The following GALNT13 variants were observed in gnomAD, a reference collection of about 807,000 sequenced individuals.
GALNT13 encodes the protein UDP-GalNAc:polypeptide N-acetylgalactosaminyltransferase 13.
In GALNT13, 28 loss-of-function variants were observed where a neutral mutation model predicts 64.2. The observed-to-expected ratio is 0.44, with a 90% CI of 0.32 to 0.60. The LOEUF (loss-of-function observed/expected upper bound fraction) is 0.60. Ranked by LOEUF, GALNT13 falls within the 20% of genes least tolerant of loss-of-function variation. GALNT13 has a pLI of 0.05. For missense variants in GALNT13, 577 were observed against 669.8 expected (o/e 0.86, Z 1.53); for synonymous variants, 214 against 224.6 (o/e 0.95, Z 0.42).
the GALNT13 span, among the ~76,000 whole-genome samples, chr2:153,709,134 G>T: frequency 2.0e-5 from 3 of 151,934 alleles, no homozygotes; most frequent in Admixed American, 6.6e-5. Context: ...AGGAAAAATG[G>T]ATTACATAAA....
intron 2 of GALNT13, among the ~76,000 whole-genome samples, chr2:153,909,663 T>G (rs958111042): frequency 2.0e-5 from 3 of 152,182 alleles, no homozygotes; most frequent in Non-Finnish European, 2.9e-5. Flanking sequence ...GTCAAACATC[T>G]TTTCAGCTTC....
the GALNT13 span, among the ~76,000 whole-genome samples, chr2:153,122,741 T>C: frequency 1.3e-5 from 2 of 152,154 alleles, no homozygotes; most frequent in Non-Finnish European, 2.9e-5. Flanking sequence ...AATATCAGTT[T>C]CCAGGGGATG....
At chr2:153,127,714 G>A in the GALNT13 span, among the ~76,000 whole-genome samples, 7 of 152,048 alleles carry the variant, frequency 4.6e-5, no homozygotes, top group Non-Finnish European at 1.0e-4. Flanking sequence ...ATTTTATTCT[G>A]AGCTTGCTGT....
chr2:153,975,077 A>G (rs1350721613), intron 3 of GALNT13, among the ~76,000 whole-genome samples: 3 of 152,062 alleles, frequency 2.0e-5, no homozygotes, highest in Admixed American at 2.0e-4. Context: ...AAATAAGCAA[A>G]TTAGGTAGGA....
chr2:153,768,669 C>G, the GALNT13 span, among the ~76,000 whole-genome samples: 1 of 152,028 alleles, frequency 6.6e-6, no homozygotes, highest in East Asian at 1.9e-4. Context: ...TTGAGACCAG[C>G]CTGGCTAACA....
At chr2:153,646,092 A>C in the GALNT13 span, among the ~76,000 whole-genome samples, 1 of 152,112 alleles carries the variant, frequency 6.6e-6, no homozygotes, top group East Asian at 1.9e-4. Context: ...CTATTTTTGG[A>C]TATTATAGTA....
At chr2:153,771,017 A>G in the GALNT13 span, among the ~76,000 whole-genome samples, 2 of 152,152 alleles carry the variant, frequency 1.3e-5, no homozygotes, top group Non-Finnish European at 2.9e-5. Flanking sequence ...ACACCTGGAG[A>G]TATGTCTGGG....
chr2:153,513,514 G>C, the GALNT13 span, among the ~76,000 whole-genome samples: 1 of 152,122 alleles, frequency 6.6e-6, no homozygotes, highest in African/African-American at 2.4e-5. Flanking sequence ...ACTTCCTTAG[G>C]TCACTACCAC....
At chr2:153,429,558 A>G in the GALNT13 span, among the ~76,000 whole-genome samples, 2 of 152,162 alleles carry the variant, frequency 1.3e-5, no homozygotes, top group Non-Finnish European at 2.9e-5. Flanking sequence ...TAGTAGAGAT[A>G]GTTATATCAT....
intron 3 of GALNT13, among the ~76,000 whole-genome samples, chr2:154,137,920 C>T (rs945158497): frequency 1.3e-5 from 2 of 152,088 alleles, no homozygotes; most frequent in East Asian, 3.9e-4. Flanking sequence ...TGTTTCTGAT[C>T]TCCCTGTTTC....
the GALNT13 span, among the ~76,000 whole-genome samples, chr2:153,772,763 C>A: frequency 6.6e-6 from 1 of 152,182 alleles, no homozygotes; most frequent in Non-Finnish European, 1.5e-5. Context: ...ACAGCCACTC[C>A]TCTGGCTTTT....
At chr2:153,325,557 C>T in the GALNT13 span, among the ~76,000 whole-genome samples, 1 of 152,098 alleles carries the variant, frequency 6.6e-6, no homozygotes, top group South Asian at 2.1e-4. Flanking sequence ...TTCGTTTGCA[C>T]TTGCTTTTGT....
the GALNT13 span, among the ~76,000 whole-genome samples, chr2:153,419,960 C>G: frequency 4.0e-5 from 6 of 151,874 alleles, no homozygotes; most frequent in African/African-American, 1.5e-4. Flanking sequence ...ACAGACCTAC[C>G]TAAAACATAA....
intron 3 of GALNT13, among the ~76,000 whole-genome samples, chr2:153,987,691 C>T (rs188222044): frequency 6.6e-6 from 1 of 151,768 alleles, no homozygotes; most frequent in East Asian, 1.9e-4. Flanking sequence ...GACTTGACCA[C>T]ATAGACAAAA....
the GALNT13 span, among the ~76,000 whole-genome samples, chr2:153,650,728 T>C: frequency 6.6e-6 from 1 of 152,170 alleles, no homozygotes; most frequent in Admixed American, 6.6e-5. Flanking sequence ...AGAAGCTTAG[T>C]TTGGCTGGAT....
chr2:154,058,340 T>C (rs182293325), intron 3 of GALNT13, among the ~76,000 whole-genome samples: 2 of 152,232 alleles, frequency 1.3e-5, no homozygotes, highest in Non-Finnish European at 2.9e-5. Flanking sequence ...TGTGGTATTT[T>C]GTTGTAACAA....
chr2:153,729,827 C>T, the GALNT13 span, among the ~76,000 whole-genome samples: 1 of 151,804 alleles, frequency 6.6e-6, no homozygotes, highest in East Asian at 1.9e-4. Context: ...ATTGTATACA[C>T]CAAAAACAAT....
chr2:153,756,047 T>C, the GALNT13 span, among the ~76,000 whole-genome samples: 2 of 152,236 alleles, frequency 1.3e-5, no homozygotes, highest in South Asian at 2.1e-4. Context: ...ATCTGTAAGG[T>C]AAAAATAACT....
chr2:154,445,272 C>A (rs1261389616), intron 12 of GALNT13, among the ~76,000 whole-genome samples: 1 of 151,586 alleles, frequency 6.6e-6, no homozygotes, highest in Non-Finnish European at 1.5e-5. Context: ...AATGAAAATT[C>A]TATATTGTAT....
Sources: allele counts gnomAD v4.1 joint callset (sites outside exome capture counted in the v4.1 genomes callset), GRCh38; gene constraint gnomAD v4.1.1; transcripts MANE v1.5; gene names NCBI Gene and HGNC (gene_info 2026-07-23, HGNC 2026-07-21).